Variants in KIAA1549L observed in about 807,000 individuals in gnomAD.
The protein encoded by KIAA1549L is KIAA1549 like.
Under a neutral mutation model 160.7 loss-of-function variants are expected in KIAA1549L, and 88 were observed. The observed-to-expected ratio is 0.55, with a 90% CI of 0.46 to 0.65. The LOEUF (loss-of-function observed/expected upper bound fraction) is 0.65, where lower values mean the gene tolerates loss of function less well. Ranked by LOEUF, KIAA1549L falls within the 30% of genes least tolerant of loss-of-function variation. The pLI is 0.00. For synonymous variants in KIAA1549L, 950 were observed against 976.7 expected (o/e 0.97, Z 0.51); for missense variants, 2,258 against 2,437.5 (o/e 0.93, Z 1.55).
chr11:33,407,709 G>A (rs999809378), intron 1 of KIAA1549L, among the ~76,000 whole-genome samples: 1 of 152,194 alleles, frequency 6.6e-6, no homozygotes, highest in African/African-American at 2.4e-5. Context: ...GTACAGAGAA[G>A]ACTCTAATGA....
intron 10 of KIAA1549L, among the ~76,000 whole-genome samples, chr11:33,581,120 C>G: frequency 6.6e-6 from 1 of 152,146 alleles, no homozygotes; most frequent in East Asian, 1.9e-4. Flanking sequence ...TAGGGCCTCA[C>G]GGGCTGGGAC....
chr11:33,477,366 A>G (rs80062062), intron 1 of KIAA1549L, among the ~76,000 whole-genome samples: 2,924 of 152,314 alleles, frequency 0.019, 97 homozygotes, highest in African/African-American at 0.067. Context: ...CCAGTGAGGT[A>G]TGACTCACAG....
At chr11:33,525,169 C>A (rs1488045139) in intron 1 of KIAA1549L, among the ~76,000 whole-genome samples, 2 of 152,048 alleles carry the variant, frequency 1.3e-5, no homozygotes, top group Admixed American at 1.3e-4. Context: ...CCAGGAAAAC[C>A]GAAATAATTC....
intron 16 of KIAA1549L, among the ~76,000 whole-genome samples, chr11:33,640,365 C>A (rs1399739925): frequency 6.6e-6 from 1 of 152,216 alleles, no homozygotes. Context: ...CTCTGCCATT[C>A]ACATGCCACA....
chr11:33,502,284 T>A (rs1719805673), intron 1 of KIAA1549L, among the ~76,000 whole-genome samples: 3 of 152,162 alleles, frequency 2.0e-5, no homozygotes, highest in African/African-American at 7.2e-5. Context: ...TTTATGTTGC[T>A]ACCTTCAGGC....
intron 1 of KIAA1549L, among the ~76,000 whole-genome samples, chr11:33,447,750 A>T (rs1851644879): frequency 6.6e-6 from 1 of 151,898 alleles, no homozygotes; most frequent in African/African-American, 2.4e-5. Context: ...CTAGATATAA[A>T]CTCTAAGACA....
chr11:33,564,240 G>T (rs923063509), intron 8 of KIAA1549L, among the ~76,000 whole-genome samples: 9 of 152,184 alleles, frequency 5.9e-5, no homozygotes, highest in African/African-American at 2.2e-4. Flanking sequence ...TTTACCAAAA[G>T]GGTAGAGGAT....
intron 1 of KIAA1549L, among the ~76,000 whole-genome samples, chr11:33,411,165 G>A (rs1028016200): frequency 1.3e-5 from 2 of 152,184 alleles, no homozygotes; most frequent in Admixed American, 6.5e-5. Context: ...GAGGTGAAAC[G>A]AGGAACACAA....
At chr11:33,453,555 G>C (rs1341756987) in intron 1 of KIAA1549L, among the ~76,000 whole-genome samples, 1 of 152,106 alleles carries the variant, frequency 6.6e-6, no homozygotes, top group South Asian at 2.1e-4. Context: ...TTCATTTCTG[G>C]AATTTCACTG....
At chr11:33,521,409 G>A (rs934756586) in intron 1 of KIAA1549L, among the ~76,000 whole-genome samples, 3 of 152,098 alleles carry the variant, frequency 2.0e-5, no homozygotes, top group African/African-American at 7.2e-5. Flanking sequence ...CATCTGCATC[G>A]GTAAAATGAG....
intron 1 of KIAA1549L, among the ~76,000 whole-genome samples, chr11:33,492,917 A>AG (rs1852720828): frequency 6.6e-6 from 1 of 151,670 alleles, no homozygotes; most frequent in South Asian, 2.1e-4. Flanking sequence ...TGGAGGGAGG[A>AG]GGGGGAGTGA....
At chr11:33,506,056 A>T (rs185500314) in intron 1 of KIAA1549L, among the ~76,000 whole-genome samples, 2 of 152,302 alleles carry the variant, frequency 1.3e-5, no homozygotes, top group Admixed American at 6.5e-5. Context: ...TAAGAAATTT[A>T]CCCATGGTTG....
chr11:33,447,751 C>G (rs1851644933), intron 1 of KIAA1549L, among the ~76,000 whole-genome samples: 1 of 152,016 alleles, frequency 6.6e-6, no homozygotes, highest in Non-Finnish European at 1.5e-5. Context: ...TAGATATAAA[C>G]TCTAAGACAT....
At position 33,658,784 on chromosome 11, in the gene KIAA1549L, G is replaced by A; in HGVS notation, c.5893G>A (p.Ala1965Thr). Residue 1965 changes from alanine to threonine, a missense_variant, in exon 19 of 21, where the codon GCC (alanine) becomes ACC (threonine). Coordinates refer to ENST00000658780, the MANE Select transcript of KIAA1549L (RefSeq NM_012194.3). ...TSDIGSKTRM[A>T]ESTGPEPAQL... ...AGACATCGGCAGCAAGACCAGAATGGCCGAGTCTACAGGGCCCGAGCCGGC... is the reference window on the plus strand; with the variant it reads ...AGACATCGGCAGCAAGACCAGAATGACCGAGTCTACAGGGCCCGAGCCGGC... 13 of 1,570,422 alleles carry A rather than the reference G, an allele frequency of 8.3e-6. No individual in the cohort carries two copies. Among genetic ancestry groups the A allele is most frequent in the Non-Finnish European group, 1.0e-5 (12 of 1,158,768 alleles).
At chr11:33,452,178 A>G (rs1045461578) in intron 1 of KIAA1549L, among the ~76,000 whole-genome samples, 2 of 152,168 alleles carry the variant, frequency 1.3e-5, no homozygotes, top group Non-Finnish European at 2.9e-5. Flanking sequence ...TAATCCCTTC[A>G]TTCTCCTGCC....
intron 1 of KIAA1549L, among the ~76,000 whole-genome samples, chr11:33,418,408 G>T (rs1166855616): frequency 1.3e-5 from 2 of 152,146 alleles, no homozygotes; most frequent in Non-Finnish European, 2.9e-5. Flanking sequence ...TAGGAGGTAG[G>T]TATGCTAGAG....
Position 33,542,850 on chromosome 11 carries a change from A to T in KIAA1549L, c.1287A>T (p.Ile429=). 1 of 1,613,904 alleles carries T rather than the reference A, an allele frequency of 6.2e-7. No homozygotes were observed. The highest frequency in any genetic ancestry group is 8.5e-7 in the Non-Finnish European group (1 of 1,179,878). Residue 429 remains isoleucine, a synonymous_variant, in exon 2 of 21, where the codon ATA becomes ATT. Transcript: ENST00000658780. Reference sequence around the variant, plus strand: ...TCCAGACTGCAGAATCAGGGGCCATAGAAATGACCAGCAGAAAGCTAGCCT... The same window carrying T: ...TCCAGACTGCAGAATCAGGGGCCATTGAAATGACCAGCAGAAAGCTAGCCT... ...PLFQTAESGA[I]EMTSRKLASA...
Position 33,668,275 on chromosome 11 carries a change from C to A in KIAA1549L, c.*121C>A. 1.1e-6 allele frequency: 1 copy of A among 924,908 alleles called. No individual in the cohort carries two copies. Among genetic ancestry groups the A allele is most frequent in the Non-Finnish European group, 1.6e-6 (1 of 620,042 alleles). 57.3% of individuals were successfully genotyped at this position (924,908 alleles called of 1,614,324 possible). A position where few individuals can be genotyped will look rare whatever the true frequency, so the allele number is the denominator to read the frequency against. On this transcript the variant is annotated 3_prime_UTR_variant, in exon 21 of 21. Transcript: ENST00000658780. ...GGTGAGTCTTTCTCACCCTCCATTTCTGAAAAGGTGAACTATGGGGCTTCT... is the reference window on the plus strand; with the variant it reads ...GGTGAGTCTTTCTCACCCTCCATTTATGAAAAGGTGAACTATGGGGCTTCT...
intron 1 of KIAA1549L, among the ~76,000 whole-genome samples, chr11:33,386,425 AAT>A (rs1850173896): frequency 6.6e-6 from 1 of 152,208 alleles, no homozygotes; most frequent in African/African-American, 2.4e-5. Flanking sequence ...TCATGCCTGT[AAT>A]CCCAGCACTT....
Sources: allele counts gnomAD v4.1 joint callset (sites outside exome capture counted in the v4.1 genomes callset), GRCh38; gene constraint gnomAD v4.1.1; transcripts MANE v1.5; gene names NCBI Gene and HGNC (gene_info 2026-07-23, HGNC 2026-07-21).